The following NPHP4 variants were observed in gnomAD, a reference collection of about 807,000 sequenced individuals.
The protein encoded by NPHP4 is nephrocystin 4, also known as nephrocystin-4.
In NPHP4, 151 loss-of-function variants were observed where a neutral mutation model predicts 155.8. The ratio of observed to expected loss-of-function variants is 0.97; its 90% CI spans 0.85 to 1.11. The LOEUF is 1.11. Ranked by LOEUF, NPHP4 falls within the 50% of genes least tolerant of loss-of-function variation. NPHP4 has a pLI of 0.00. For synonymous variants in NPHP4, 845 were observed against 816.8 expected (o/e 1.03, Z -0.59); for missense variants, 1,956 against 1,925.7 (o/e 1.02, Z -0.29).
intron 16 of NPHP4, among the ~76,000 whole-genome samples, chr1:5,903,711 C>T (rs976544233): frequency 6.6e-6 from 1 of 152,172 alleles, no homozygotes; most frequent in Admixed American, 6.5e-5. Context: ...TCCAGCCTTT[C>T]CTATACAAAC....
At chr1:5,916,857 A>C (rs1483856244) in intron 11 of NPHP4, among the ~76,000 whole-genome samples, 6 of 152,262 alleles carry the variant, frequency 3.9e-5, no homozygotes, top group African/African-American at 1.4e-4. Context: ...AAAGCACAGC[A>C]GGCTTCTAGA....
chr1:5,863,598 C>T (rs777599405), intron 29 of NPHP4, 193 bp from the exon 30 acceptor site: 29 of 666,744 alleles, frequency 4.3e-5, no homozygotes, highest in East Asian at 1.6e-4. Flanking sequence ...GCCAGTGTGA[C>T]GCGTTACTTG....
At chr1:5,914,257 CAAAAAAAA>C (rs575438284) in intron 11 of NPHP4, among the ~76,000 whole-genome samples, 922 of 47,294 alleles carry the variant, frequency 0.019, 7 homozygotes, top group African/African-American at 0.054. Context: ...CTTATCTATA[CAAAAAAAA>C]AAAAAAAAAA....
At chr1:5,960,154 A>G (rs2102111926) in intron 6 of NPHP4, among the ~76,000 whole-genome samples, 1 of 152,302 alleles carries the variant, frequency 6.6e-6, no homozygotes, top group African/African-American at 2.4e-5. Context: ...AGAGGATTGC[A>G]GGCAGATTAC....
chr1:5,874,574 A>G lies in NPHP4; in HGVS notation c.3128T>C (p.Leu1043Pro), dbSNP rs755481438. 1 of 1,609,322 alleles carries G rather than the reference A, an allele frequency of 6.2e-7. No homozygotes were observed. Among genetic ancestry groups the G allele is most frequent in the Non-Finnish European group, 8.5e-7 (1 of 1,178,272 alleles). Residue 1043 changes from leucine to proline, a missense_variant, in exon 22 of 30, where the codon CTG becomes CCG. By Grantham distance (98) the Leu-to-Pro change is moderately conservative. Transcript: ENST00000378156. ...HTPVEEDMFH[L>P]RGSLAPQLYL... ...GAGCTGGGGGGCCAGGCTGCCACGCAGGTGGAACATGTCCTCCTCCACCGG... is the reference window on the plus strand; with the variant it reads ...GAGCTGGGGGGCCAGGCTGCCACGCGGGTGGAACATGTCCTCCTCCACCGG...
intron 16 of NPHP4, among the ~76,000 whole-genome samples, chr1:5,893,859 G>C (rs534938501): frequency 6.6e-6 from 1 of 152,322 alleles, no homozygotes; most frequent in African/African-American, 2.4e-5. Context: ...TCTAGATCAA[G>C]GAGCCCTCTG....
chr1:5,895,170 C>T (rs1244998833), intron 16 of NPHP4, among the ~76,000 whole-genome samples: 1 of 139,134 alleles, frequency 7.2e-6, no homozygotes, highest in Non-Finnish European at 1.6e-5. Context: ...CATCACACAC[C>T]GGGGCCTGTC....
chr1:5,889,539 C>T lies in NPHP4; in HGVS notation c.2304+1329G>A, dbSNP rs1341610547. Among the ~76,000 whole-genome samples the T allele has an allele frequency of 3.9e-5, 6 of 152,176 alleles. No homozygotes were observed. The highest frequency in any genetic ancestry group is 7.4e-5 in the Non-Finnish European group (5 of 68,022). On this transcript the variant is annotated intron_variant, in intron 17 of 29. Transcript: ENST00000378156. This position sits in a 1 kb window ranked among gnomAD's most constrained non-coding sequence, Gnocchi z 4.2. ...CACAGCAAAGAGGGGGCACAAGGCT[C>T]GGCTGGGCACGACAGGGGAGCCACT...
intron 11 of NPHP4, among the ~76,000 whole-genome samples, chr1:5,915,454 T>C (rs191365587): frequency 1.2e-4 from 19 of 152,332 alleles, no homozygotes; most frequent in African/African-American, 3.8e-4. Flanking sequence ...AAGGCCTTTA[T>C]TCCTAACTAT....
Position 5,909,228 on chromosome 1 carries a change from A to C in NPHP4, c.1442-15T>G. The C allele has an allele frequency of 6.3e-7, 1 of 1,596,608 alleles. No homozygotes were observed. The highest frequency in any genetic ancestry group is 8.5e-7 in the Non-Finnish European group (1 of 1,171,204). ...CGCTGGCGGGCCTGGGAGGAAGCACAGTGGGGTAGGAGAGGGAATGTGTCA... is the reference window on the plus strand; with the variant it reads ...CGCTGGCGGGCCTGGGAGGAAGCACCGTGGGGTAGGAGAGGGAATGTGTCA... On this transcript the variant is annotated splice_polypyrimidine_tract_variant and intron_variant, in intron 11 of 29. Transcript: ENST00000378156.
chr1:5,984,201 T>C (rs1480642845), intron 2 of NPHP4, among the ~76,000 whole-genome samples: 2 of 152,184 alleles, frequency 1.3e-5, no homozygotes, highest in Non-Finnish European at 2.9e-5. Context: ...TGTAATAACA[T>C]GAATGATCGA....
chr1:5,941,225 C>A (rs1225024759), intron 9 of NPHP4, among the ~76,000 whole-genome samples: 1 of 139,798 alleles, frequency 7.2e-6, no homozygotes, highest in Non-Finnish European at 1.5e-5. Flanking sequence ...GTAGTGGGAC[C>A]AGATGGCCAC....
intron 18 of NPHP4, chr1:5,886,915 G>A (rs1643857672): frequency 4.9e-6 from 1 of 202,448 alleles, no homozygotes; most frequent in Non-Finnish European, 9.9e-6. Flanking sequence ...CGGGCTGCAG[G>A]GAAGTTAGGA....
intron 7 of NPHP4, among the ~76,000 whole-genome samples, chr1:5,952,102 G>C (rs1006811757): frequency 1.3e-5 from 2 of 152,196 alleles, no homozygotes; most frequent in African/African-American, 4.8e-5. Context: ...GGAACAGCAG[G>C]GAGTGTGAAC....
At chr1:5,970,872 T>C (rs1652437515) in intron 3 of NPHP4, among the ~76,000 whole-genome samples, 1 of 152,082 alleles carries the variant, frequency 6.6e-6, no homozygotes, top group African/African-American at 2.4e-5. Flanking sequence ...TAAATCGTTA[T>C]TCTATTATCT....
intron 10 of NPHP4, among the ~76,000 whole-genome samples, chr1:5,931,538 A>G (rs1646273380): frequency 1.3e-5 from 2 of 151,970 alleles, no homozygotes; most frequent in African/African-American, 4.8e-5. Flanking sequence ...GTTCAAGACC[A>G]GCCTGGCCAA....
chr1:5,887,187 C>T, intron 18 of NPHP4, 99 bp downstream of exon 18: 1 of 1,151,312 alleles, frequency 8.7e-7, no homozygotes, highest in Non-Finnish European at 1.2e-6. Flanking sequence ...CTCCTGGGCC[C>T]GTGAAGCCCA....
At chr1:5,940,302 T>C (rs1646756017) in intron 9 of NPHP4, among the ~76,000 whole-genome samples, 1 of 152,092 alleles carries the variant, frequency 6.6e-6, no homozygotes, top group South Asian at 2.1e-4. Context: ...GCCCTTTCGC[T>C]AGGGAGTGAC....
chr1:5,968,001 A>ACCC, intron 4 of NPHP4, among the ~76,000 whole-genome samples: 1 of 152,116 alleles, frequency 6.6e-6, no homozygotes, highest in Non-Finnish European at 1.5e-5. Flanking sequence ...GCTCCTACAC[A>ACCC]GAGCCTGGCA....
Sources: gnomAD v4.1 joint callset for allele counts (sites outside exome capture counted in the v4.1 genomes callset) on GRCh38, gnomAD v4.1.1 for gene constraint, Gnocchi (gnomAD v3.1) non-coding constraint, MANE v1.5 for transcripts, NCBI Gene and HGNC (gene_info 2026-07-23, HGNC 2026-07-21) for gene names.